The following RPS6KA2 variants were observed in gnomAD, a reference collection of about 807,000 sequenced individuals.
RPS6KA2 encodes the protein ribosomal protein S6 kinase A2.
RPS6KA2 carries 42 observed loss-of-function variants against 91.8 expected under a neutral mutation model. That is an observed-to-expected ratio of 0.46 (90% CI 0.36 to 0.59). RPS6KA2 has a LOEUF of 0.59. RPS6KA2 is among the 20% of genes least tolerant of loss of function. The pLI is 0.00. For missense variants in RPS6KA2, 798 were observed against 978.5 expected (o/e 0.82, Z 2.46); for synonymous variants, 414 against 393.6 (o/e 1.05, Z -0.61).
intron 1 of RPS6KA2, among the ~76,000 whole-genome samples, chr6:166,590,384 TC>T (rs1785316365): frequency 6.6e-6 from 1 of 152,182 alleles, no homozygotes; most frequent in Non-Finnish European, 1.5e-5. Context: ...CAGTGTGAAC[TC>T]CGTGTCAGAC....
At chr6:166,673,331 T>C (rs1469239351) in intron 2 of RPS6KA2, among the ~76,000 whole-genome samples, 1 of 145,922 alleles carries the variant, frequency 6.9e-6, no homozygotes, top group East Asian at 2.0e-4. Flanking sequence ...TGCAGAGCAG[T>C]CTTGTCCCCC....
rs77441019 is a variant in RPS6KA2, at chr6:166,541,244, T to C, written c.100-2460A>G. ...CACACTGCAGAACAGAAAGTAAAATTCAACACCGCCCAGAGGTGTGGGGCA... is the reference window on the plus strand; with the variant it reads ...CACACTGCAGAACAGAAAGTAAAATCCAACACCGCCCAGAGGTGTGGGGCA... On this transcript the variant is annotated intron_variant, in intron 1 of 20. Coordinates refer to ENST00000265678, the MANE Select transcript of RPS6KA2 (RefSeq NM_021135.6). 4.1e-3 allele frequency among the ~76,000 whole-genome samples: 629 copies of C among 152,300 alleles called. 5 individuals are homozygous for C. Among genetic ancestry groups the C allele is most frequent in the Admixed American group, 6.5e-3 (99 of 15,300 alleles).
chr6:166,491,529 A>G (rs1469908590), intron 8 of RPS6KA2, among the ~76,000 whole-genome samples: 1 of 152,244 alleles, frequency 6.6e-6, no homozygotes, highest in Non-Finnish European at 1.5e-5. Flanking sequence ...TTCATAAAAT[A>G]AGACCCTGAA....
intron 2 of RPS6KA2, among the ~76,000 whole-genome samples, chr6:166,748,646 G>GGGCCCCCACCTCCTCA (rs1791128539): frequency 2.3e-5 from 1 of 43,714 alleles, no homozygotes. Context: ...CCATCCCCTT[G>GGGCCCCCACCTCCTCA]GGCCCCCACC....
intron 2 of RPS6KA2, among the ~76,000 whole-genome samples, chr6:166,647,588 C>G (rs144589638): frequency 2.9e-4 from 44 of 152,366 alleles, no homozygotes; most frequent in Non-Finnish European, 5.4e-4. Flanking sequence ...CCACCTCTTT[C>G]CATACCGCTC....
chr6:166,715,658 C>T (rs567745110), intron 2 of RPS6KA2, among the ~76,000 whole-genome samples: 2 of 152,292 alleles, frequency 1.3e-5, no homozygotes, highest in South Asian at 4.1e-4. Context: ...TCTGGTGTAG[C>T]CCATGGCTCC....
chr6:166,685,338 C>T (rs56003383), intron 2 of RPS6KA2, among the ~76,000 whole-genome samples: 221 of 137,250 alleles, frequency 1.6e-3, no homozygotes, highest in Middle Eastern at 4.3e-3. Flanking sequence ...CAGGCAGGAC[C>T]CTGATGGAGT....
intron 2 of RPS6KA2, among the ~76,000 whole-genome samples, chr6:166,727,526 G>C (rs1583054779): frequency 1.3e-5 from 2 of 152,118 alleles, no homozygotes; most frequent in Admixed American, 1.3e-4. Context: ...TAATGTGCCA[G>C]CACCCTAAGG....
chr6:166,498,111 C>T (rs958512555), intron 8 of RPS6KA2, among the ~76,000 whole-genome samples: 4 of 152,206 alleles, frequency 2.6e-5, no homozygotes, highest in East Asian at 1.9e-4. Flanking sequence ...CATTTCCAGA[C>T]GCTGATGCAA....
intron 2 of RPS6KA2, among the ~76,000 whole-genome samples, chr6:166,839,714 A>AGAGGAGAGGC (rs1467381113): frequency 2.5e-5 from 1 of 39,346 alleles, no homozygotes; most frequent in African/African-American, 1.2e-4. Flanking sequence ...AGAGGAGAGG[A>AGAGGAGAGGC]GAGGCGGCAC....
chr6:166,828,140 C>A (rs1780093226), intron 2 of RPS6KA2, among the ~76,000 whole-genome samples: 1 of 151,892 alleles, frequency 6.6e-6, no homozygotes, highest in African/African-American at 2.4e-5. Flanking sequence ...TCAGGGTCAG[C>A]ATGGGGCATG....
intron 2 of RPS6KA2, among the ~76,000 whole-genome samples, chr6:166,722,938 C>G (rs1281982480): frequency 6.6e-6 from 1 of 152,202 alleles, no homozygotes; most frequent in East Asian, 1.9e-4. Flanking sequence ...ACTCGCGAGA[C>G]ACCACCGCCT....
intron 1 of RPS6KA2, among the ~76,000 whole-genome samples, chr6:166,606,365 A>G (rs1785956084): frequency 6.6e-6 from 1 of 152,246 alleles, no homozygotes. Context: ...AAAAGCAAAA[A>G]GCACCTGGCA....
intron 2 of RPS6KA2, among the ~76,000 whole-genome samples, chr6:166,857,081 T>C (rs1780922625): frequency 1.3e-5 from 2 of 152,352 alleles, no homozygotes; most frequent in South Asian, 2.1e-4. Flanking sequence ...CAGTGGGCTA[T>C]GTCATCGGAT....
chr6:166,602,634 C>T (rs1164537326), intron 1 of RPS6KA2, among the ~76,000 whole-genome samples: 1 of 152,158 alleles, frequency 6.6e-6, no homozygotes, highest in Non-Finnish European at 1.5e-5. Flanking sequence ...ATTTATATGA[C>T]ACGTAAACTG....
At chr6:166,772,020 G>T (rs187063027) in intron 2 of RPS6KA2, among the ~76,000 whole-genome samples, 1 of 152,208 alleles carries the variant, frequency 6.6e-6, no homozygotes, top group Non-Finnish European at 1.5e-5. Flanking sequence ...AGCTCTGTTT[G>T]TTTTATGTTC....
Position 166,494,314 on chromosome 6 carries a change from C to T in RPS6KA2, c.748-3573G>A, listed in dbSNP as rs538161353. Among the ~76,000 whole-genome samples, 8 of 152,190 alleles carry T rather than the reference C, an allele frequency of 5.3e-5. No homozygotes were observed. Among genetic ancestry groups the T allele is most frequent in the Non-Finnish European group, 7.3e-5 (5 of 68,034 alleles). On this transcript the variant is annotated intron_variant, in intron 8 of 20. Coordinates refer to ENST00000265678, the MANE Select transcript of RPS6KA2 (RefSeq NM_021135.6). This position sits in a 1 kb window ranked among gnomAD's most constrained non-coding sequence, Gnocchi z 5.1. Reference sequence around the variant, plus strand: ...GCCAAGAATCTCAGTCTCAAAACAGCCTTGGAAGGTGCCGTTCCTCACAAC... The same window carrying T: ...GCCAAGAATCTCAGTCTCAAAACAGTCTTGGAAGGTGCCGTTCCTCACAAC...
chr6:166,474,372 G>A (rs1780885565), intron 10 of RPS6KA2, among the ~76,000 whole-genome samples: 1 of 152,204 alleles, frequency 6.6e-6, no homozygotes, highest in Admixed American at 6.5e-5. Flanking sequence ...AAGACAGCAC[G>A]CCTGGCTTAG....
At chr6:166,697,301 G>A (rs1050029841) in intron 2 of RPS6KA2, among the ~76,000 whole-genome samples, 13 of 151,790 alleles carry the variant, frequency 8.6e-5, no homozygotes, top group East Asian at 1.9e-4. Flanking sequence ...AAATGAAAGC[G>A]GAAGTTGACC....
Sources: allele counts gnomAD v4.1 joint callset (sites outside exome capture counted in the v4.1 genomes callset), GRCh38; gene constraint gnomAD v4.1.1; non-coding constraint Gnocchi (gnomAD v3.1); transcripts MANE v1.5; gene names NCBI Gene and HGNC (gene_info 2026-07-23, HGNC 2026-07-21).